RECK: variants seen among roughly 807,000 people sequenced by gnomAD.
The protein encoded by RECK is reversion inducing cysteine rich protein with kazal motifs, also known as reversion-inducing cysteine-rich protein with Kazal motifs.
Under a neutral mutation model 115.1 loss-of-function variants are expected in RECK, and 69 were observed. The observed-to-expected ratio is 0.60, with a 90% CI of 0.49 to 0.73. The LOEUF is 0.73. Ranked by LOEUF, RECK falls within the 30% of genes least tolerant of loss-of-function variation. RECK has a pLI of 0.00. For synonymous variants in RECK, 414 were observed against 419.7 expected, an observed-to-expected ratio of 0.99 and a Z score of 0.17; for missense variants, 1,047 against 1,203.7, an observed-to-expected ratio of 0.87 and a Z score of 1.93.
intron 13 of RECK, among the ~76,000 whole-genome samples, chr9:36,106,004 G>C (rs1018409427): frequency 2.0e-5 from 3 of 152,072 alleles, no homozygotes; most frequent in Admixed American, 2.0e-4. Context: ...ACGAGGTCAG[G>C]AGATCGAAAC....
At chr9:36,049,451 A>G (rs1279169043) in intron 1 of RECK, among the ~76,000 whole-genome samples, 1 of 152,086 alleles carries the variant, frequency 6.6e-6, no homozygotes, top group African/African-American at 2.4e-5. Context: ...CCTGGGCCAC[A>G]CTGGAAGAAT....
At chr9:36,109,790 G>A (rs1823962837) in intron 14 of RECK, among the ~76,000 whole-genome samples, 167 bp from the exon 15 acceptor site, 1 of 151,768 alleles carries the variant, frequency 6.6e-6, no homozygotes, top group African/African-American at 2.4e-5. Flanking sequence ...GTTGCAGTGA[G>A]CTGGGATCAC....
chr9:36,092,558 T>G (rs1588319056), intron 10 of RECK, among the ~76,000 whole-genome samples: 1 of 146,112 alleles, frequency 6.8e-6, no homozygotes, highest in Non-Finnish European at 1.5e-5. Context: ...TTTTTTTTTT[T>G]TTTTTGTATT....
intron 1 of RECK, among the ~76,000 whole-genome samples, chr9:36,049,477 G>A (rs1821201286): frequency 6.6e-6 from 1 of 151,786 alleles, no homozygotes; most frequent in African/African-American, 2.4e-5. Flanking sequence ...TATGCCACAT[G>A]TAAAATACAC....
chr9:36,040,252 A>G (rs1396495641), intron 1 of RECK, among the ~76,000 whole-genome samples: 2 of 152,212 alleles, frequency 1.3e-5, no homozygotes, highest in Non-Finnish European at 2.9e-5. Context: ...ACTAAACCAA[A>G]TGGCTAACAC....
intron 1 of RECK, among the ~76,000 whole-genome samples, chr9:36,040,812 GT>G (rs11312022): frequency 0.15 from 21,783 of 147,742 alleles, 3,043 homozygotes; most frequent in African/African-American, 0.37. Context: ...TTACTCATAG[GT>G]TTTTTTTTTA....
chr9:36,111,983 C>T (rs920389245), intron 15 of RECK, among the ~76,000 whole-genome samples: 2 of 150,672 alleles, frequency 1.3e-5, no homozygotes, highest in East Asian at 2.0e-4. Context: ...ATTAGCTGGG[C>T]GTGGTGGCAT....
intron 7 of RECK, 120 bp downstream of exon 7, chr9:36,080,758 A>G (rs1288602215): frequency 6.2e-6 from 5 of 801,446 alleles, no homozygotes; most frequent in Non-Finnish European, 8.0e-6. Flanking sequence ...TCATTCATGT[A>G]TTATAACAAT....
chr9:36,076,310 G>T (rs1435413981), intron 6 of RECK, among the ~76,000 whole-genome samples: 1 of 152,108 alleles, frequency 6.6e-6, no homozygotes, highest in African/African-American at 2.4e-5. Flanking sequence ...ATAGAAAAGG[G>T]TCACTGAAGT....
At chr9:36,119,315 C>A (rs1353123181) in intron 18 of RECK, among the ~76,000 whole-genome samples, 1 of 152,118 alleles carries the variant, frequency 6.6e-6, no homozygotes, top group East Asian at 1.9e-4. Context: ...TAACGAATTA[C>A]TAATTAATGA....
intron 17 of RECK, among the ~76,000 whole-genome samples, chr9:36,118,164 G>A (rs1167318250): frequency 6.6e-6 from 1 of 152,084 alleles, no homozygotes; most frequent in African/African-American, 2.4e-5. Context: ...CCATCATGAT[G>A]TCTCCCTGAA....
At chr9:36,049,420 G>A (rs937979207) in intron 1 of RECK, among the ~76,000 whole-genome samples, 21 of 152,046 alleles carry the variant, frequency 1.4e-4, no homozygotes, top group African/African-American at 5.1e-4. Context: ...CTAGGTCAGG[G>A]GTGTCTAATC....
chr9:36,083,091 G>A (rs577501684), intron 7 of RECK, among the ~76,000 whole-genome samples: 6 of 152,228 alleles, frequency 3.9e-5, no homozygotes, highest in East Asian at 1.9e-4. Context: ...AATGCCAGTC[G>A]TAGTCCAACT....
At chr9:36,041,954 T>C (rs577027370) in intron 1 of RECK, among the ~76,000 whole-genome samples, 1 of 152,138 alleles carries the variant, frequency 6.6e-6, no homozygotes, top group African/African-American at 2.4e-5. Flanking sequence ...TTCTAAATTA[T>C]AGGTGAGTTA....
At chr9:36,080,143 T>C (rs1210124837) in intron 6 of RECK, among the ~76,000 whole-genome samples, 1 of 152,216 alleles carries the variant, frequency 6.6e-6, no homozygotes, top group South Asian at 2.1e-4. Context: ...GGGTAAGGTC[T>C]AGGAAACTCA....
At position 36,121,623 on chromosome 9, in the gene RECK, T is replaced by C; in HGVS notation, c.2629T>C (p.Phe877Leu). 6.2e-7 allele frequency: 1 copy of C among 1,614,222 alleles called. No homozygotes were observed. The highest frequency in any genetic ancestry group is 1.3e-5 in the African/African-American group (1 of 75,068). ...CCCACAGTGTGATGTGTTTGGATAC[T>C]TCAGCATTGAATCAGAAATTGTGAT... ...SVPQCDVFGY[F>L]SIESEIVILI... Residue 877 changes from phenylalanine (F) to leucine (L), a missense_variant, in exon 20 of 21, where the codon TTC (phenylalanine) becomes CTC (leucine). Coordinates refer to ENST00000377966, the MANE Select transcript of RECK (RefSeq NM_021111.3).
intron 1 of RECK, among the ~76,000 whole-genome samples, chr9:36,046,293 T>C (rs2132553548): frequency 6.6e-6 from 1 of 152,338 alleles, no homozygotes; most frequent in South Asian, 2.1e-4. Context: ...ACCCAATTAA[T>C]CCCTTTTAGT....
chr9:36,113,033 G>A (rs1824123914), intron 16 of RECK, among the ~76,000 whole-genome samples: 1 of 152,184 alleles, frequency 6.6e-6, no homozygotes, highest in Non-Finnish European at 1.5e-5. Flanking sequence ...AATTGGACAT[G>A]AGAAATCTCT....
chr9:36,105,171 A>G lies in RECK; in HGVS notation c.1464A>G (p.Glu488=). 6.2e-7 allele frequency: 1 copy of G among 1,614,140 alleles called. No homozygotes were observed. Among genetic ancestry groups the G allele is most frequent in the African/African-American group, 1.3e-5 (1 of 75,044 alleles). The part of the protein sequence containing the change: ...LRPSTLGNIV[E]EVTHPCNPNP... ...CAAGTACTTTAGGTAACATTGTAGAAGAAGTGACTCATCCCTGTAACCCAA... is the reference window on the plus strand; with the variant it reads ...CAAGTACTTTAGGTAACATTGTAGAGGAAGTGACTCATCCCTGTAACCCAA... The change falls in exon 13 of 21, where the codon GAA becomes GAG. Residue 488 remains glutamate, a synonymous_variant. Coordinates refer to ENST00000377966, the MANE Select transcript of RECK (RefSeq NM_021111.3).
Sources: allele counts gnomAD v4.1 joint callset (sites outside exome capture counted in the v4.1 genomes callset), GRCh38; gene constraint gnomAD v4.1.1; transcripts MANE v1.5; gene names NCBI Gene and HGNC (gene_info 2026-07-23, HGNC 2026-07-21).